NUP133: variants seen among roughly 807,000 people sequenced by gnomAD.
NUP133 encodes nuclear pore complex protein Nup133.
Under a neutral mutation model 146.2 loss-of-function variants are expected in NUP133, and 66 were observed. The observed-to-expected ratio is 0.45, with a 90% CI of 0.37 to 0.55. The LOEUF (loss-of-function observed/expected upper bound fraction) is 0.55, where lower values mean the gene tolerates loss of function less well. Among genes scored for constraint, NUP133 ranks in the 20% least tolerant of loss-of-function variants. The probability of loss-of-function intolerance (pLI) is 0.00; values close to 1 mark genes in which losing one functional copy is unlikely to be tolerated. For missense variants in NUP133, 1,277 were observed against 1,374.8 expected (o/e 0.93, Z 1.12); for synonymous variants, 521 against 498.8 (o/e 1.04, Z -0.59).
chr1:229,487,682 TC>T, intron 9 of NUP133, 69 bp from the exon 10 acceptor site: 1 of 1,217,894 alleles, frequency 8.2e-7, no homozygotes, highest in Non-Finnish European at 1.2e-6. Flanking sequence ...TTTTTTAAAT[TC>T]ATTTTTGTAC....
chr1:229,446,434 CAA>C (rs1004486611), intron 24 of NUP133, among the ~76,000 whole-genome samples: 52 of 149,634 alleles, frequency 3.5e-4, no homozygotes, highest in African/African-American at 1.3e-3. Flanking sequence ...AACGAACAAA[CAA>C]AAAAAAGAGA....
At chr1:229,459,433 C>CT (rs1367254438) in intron 20 of NUP133, among the ~76,000 whole-genome samples, 4 of 152,158 alleles carry the variant, frequency 2.6e-5, no homozygotes, top group Non-Finnish European at 5.9e-5. Context: ...TCCGGCCCAT[C>CT]TCCCCTTTTA....
intron 9 of NUP133, among the ~76,000 whole-genome samples, chr1:229,489,051 T>C (rs944594305): frequency 3.3e-5 from 5 of 152,222 alleles, no homozygotes; most frequent in Non-Finnish European, 7.3e-5. Context: ...TGAATACAAA[T>C]ATAATCTTCC....
At chr1:229,495,843 C>A in intron 7 of NUP133, 49 bp downstream of exon 7, 1 of 1,430,688 alleles carries the variant, frequency 7.0e-7, no homozygotes, top group South Asian at 1.4e-5. Flanking sequence ...CCAGCATTAT[C>A]ATACAACCAT....
At chr1:229,474,403 TA>T (rs148068875) in intron 14 of NUP133, among the ~76,000 whole-genome samples, 7,050 of 152,226 alleles carry the variant, frequency 0.046, 442 homozygotes, top group African/African-American at 0.12. Flanking sequence ...ATATCCCACC[TA>T]AAATAACAAT....
rs149622534 is a variant in NUP133, at chr1:229,459,910, T to C, written c.2844+701A>G. 6.8e-3 allele frequency among the ~76,000 whole-genome samples: 1,033 copies of C among 152,322 alleles called. 8 individuals carry two copies. Among genetic ancestry groups the C allele is most frequent in the Non-Finnish European group, 8.9e-3 (607 of 68,024 alleles). On this transcript the variant is annotated intron_variant, in intron 20 of 25. Coordinates refer to ENST00000261396, the MANE Select transcript of NUP133 (RefSeq NM_018230.3). ...GGATTGCCAGATCATATGGTATTTCTATTTTTAACTTTTTCAGGAACCTCC... is the reference window on the plus strand; with the variant it reads ...GGATTGCCAGATCATATGGTATTTCCATTTTTAACTTTTTCAGGAACCTCC...
intron 25 of NUP133, 48 bp downstream of exon 25, chr1:229,444,866 T>G (rs768335186): frequency 7.6e-7 from 1 of 1,322,110 alleles, no homozygotes; most frequent in African/African-American, 1.5e-5. Flanking sequence ...CCCAAAAAAC[T>G]GAGGAATGAC....
At chr1:229,453,868 T>TGA (rs1241076091) in intron 21 of NUP133, among the ~76,000 whole-genome samples, 1 of 152,190 alleles carries the variant, frequency 6.6e-6, no homozygotes, top group Non-Finnish European at 1.5e-5. Flanking sequence ...TGGTAGTAAA[T>TGA]GATAAAATAG....
chr1:229,502,368 G>C (rs1048408619), intron 2 of NUP133, among the ~76,000 whole-genome samples: 1 of 151,756 alleles, frequency 6.6e-6, no homozygotes, highest in Non-Finnish European at 1.5e-5. Flanking sequence ...GACCATCCTG[G>C]CTAACATGGT....
chr1:229,443,723 ATTTT>A lies in NUP133; in HGVS notation c.3334+1187_3334+1190del, dbSNP rs71561738. Among the ~76,000 whole-genome samples, 1,088 of 116,144 alleles carry A rather than the reference ATTTT, an allele frequency of 9.4e-3. 10 individuals carry two copies. The highest frequency in any genetic ancestry group is 0.037 in the African/African-American group (1,021 of 27,308). 76.2% of individuals were successfully genotyped at this position (116,144 alleles called of 152,430 possible). ...CATATATAATACACACACATATATA[ATTTT>A]TTTTTTTTTTTTTTTTTTTGAGACG... is the stretch of plus-strand genomic sequence containing the variant. On this transcript the variant is annotated intron_variant, in intron 25 of 25. Transcript: ENST00000261396.
rs553852351 is a variant in NUP133 at position 229,502,208 on chromosome 1, C to T, written c.302-106G>A. Reference sequence around the variant, plus strand: ...GGCACACTCAGAAACGACTACCTCACAACAAATACTTTTGAATATTCCAAA... The same window carrying T: ...GGCACACTCAGAAACGACTACCTCATAACAAATACTTTTGAATATTCCAAA... On this transcript the variant is annotated intron_variant, in intron 2 of 25. Coordinates refer to ENST00000261396, the MANE Select transcript of NUP133 (RefSeq NM_018230.3). The T allele has an allele frequency of 4.4e-5, 33 of 742,400 alleles. No individual in the cohort carries two copies. The African/African-American group carries it at 5.1e-4, about 12-fold the overall frequency. The allele number at this position is 742,400 out of a possible 1,614,324, so 46.0% of individuals were successfully genotyped here.
Position 229,487,553 on chromosome 1 carries a change from G to C in NUP133, c.1255C>G (p.Leu419Val). Residue 419 changes from leucine (L) to valine (V), a missense_variant, in exon 10 of 26, where the codon CTG becomes GTG. Leu to Val is a conservative substitution (Grantham distance 32, BLOSUM62 1). This residue lies in a region of NUP133 where 952 missense variants were observed against 1,047.0 expected (regional missense o/e 0.91). Transcript: ENST00000261396. ...ACATAGACAGCACTTTCGTTATACA[G>C]ATAGGCAGTCTGGTTTGAAAAGTTT... is the stretch of plus-strand genomic sequence containing the variant. ...VPNFSNQTAY[L>V]YNESAVYVCS... is the part of the protein sequence containing the mutation. 3.7e-6 allele frequency: 6 copies of C among 1,613,340 alleles called. No individual in the cohort carries two copies. The highest frequency in any genetic ancestry group is 5.1e-6 in the Non-Finnish European group (6 of 1,179,480).
At chr1:229,492,984 T>A (rs1409805300) in intron 8 of NUP133, among the ~76,000 whole-genome samples, 1 of 151,978 alleles carries the variant, frequency 6.6e-6, no homozygotes, top group Non-Finnish European at 1.5e-5. Flanking sequence ...GTTGGCAGTG[T>A]CTCTCTCTCT....
At chr1:229,479,207 T>A (rs575135151) in intron 12 of NUP133, among the ~76,000 whole-genome samples, 1 of 152,298 alleles carries the variant, frequency 6.6e-6, no homozygotes. Context: ...TGCAGCTGGC[T>A]CTGTGGAGCT....
At chr1:229,458,116 G>C (rs1404008775) in intron 21 of NUP133, 45 bp downstream of exon 21, 1 of 1,589,098 alleles carries the variant, frequency 6.3e-7, no homozygotes, top group South Asian at 1.1e-5. Flanking sequence ...TGAGTTAATT[G>C]ATGGCATGAC....
rs377259967 is a variant in NUP133, at chr1:229,441,860, A to T, written c.*44T>A. The T allele has an allele frequency of 2.7e-5, 39 of 1,456,802 alleles. No homozygotes were observed. The highest frequency in any genetic ancestry group is 1.8e-4 in the Middle Eastern group (1 of 5,578). 90.2% of individuals were successfully genotyped at this position (1,456,802 alleles called of 1,614,324 possible). The stretch of plus-strand genomic sequence containing the variant: ...TATGGCCTAAAATTTGTATAAGGAC[A>T]CACTTATACAGATTTCATAAACAAT... On this transcript the variant is annotated 3_prime_UTR_variant, in exon 26 of 26. Transcript: ENST00000261396.
At chr1:229,467,445 G>T (rs1454997130) in intron 15 of NUP133, among the ~76,000 whole-genome samples, 1 of 152,126 alleles carries the variant, frequency 6.6e-6, no homozygotes. Context: ...CTGGCTGAAG[G>T]AACAAGTTAT....
At chr1:229,489,924 T>C (rs1571933309) in intron 9 of NUP133, 31 bp downstream of exon 9, 1 of 1,521,920 alleles carries the variant, frequency 6.6e-7, no homozygotes, top group East Asian at 2.3e-5. Context: ...AACATATTAT[T>C]GCTTTGTAAT....
chr1:229,474,115 G>A (rs910861176), intron 14 of NUP133, among the ~76,000 whole-genome samples: 1 of 152,188 alleles, frequency 6.6e-6, no homozygotes, highest in Non-Finnish European at 1.5e-5. Flanking sequence ...AGAGCAGGAT[G>A]AGCGACTAAA....
Sources: gnomAD v4.1 joint callset for allele counts (sites outside exome capture counted in the v4.1 genomes callset) on GRCh38, gnomAD v4.1.1 for gene constraint, gnomAD v4.1.1 regional missense constraint, MANE v1.5 for transcripts, NCBI Gene and HGNC (gene_info 2026-07-23, HGNC 2026-07-21) for gene names.